Variants in SKIC3 observed in about 807,000 individuals in gnomAD.
SKIC3 encodes the protein SKI3 subunit of superkiller complex, also known as superkiller complex protein 3.
the SKIC3 span, among the ~76,000 whole-genome samples, chr5:95,492,661 A>AAAAAAAAAAAAAAAAAC: frequency 8.1e-6 from 1 of 122,982 alleles, no homozygotes; most frequent in Non-Finnish European, 1.7e-5. Flanking sequence ...AGAAAAAAAA[A>AAAAAAAAAAAAAAAAAC]AAAAAAAAAA....
chr5:95,500,843 T>C, the SKIC3 span, among the ~76,000 whole-genome samples: 1 of 152,170 alleles, frequency 6.6e-6, no homozygotes, highest in African/African-American at 2.4e-5. Context: ...AACAGAAATA[T>C]TTATAACATT....
chr5:95,481,493 A>T, the SKIC3 span, among the ~76,000 whole-genome samples: 22 of 152,164 alleles, frequency 1.4e-4, no homozygotes, highest in Admixed American at 5.9e-4. Context: ...CTTTATCAGC[A>T]GTGTGAAAAT....
chr5:95,481,426 AG>A, the SKIC3 span, among the ~76,000 whole-genome samples: 1 of 152,172 alleles, frequency 6.6e-6, no homozygotes, highest in Non-Finnish European at 1.5e-5. Context: ...CCCCAGCCAC[AG>A]AGAACTGTAA....
At chr5:95,529,174 T>A in the SKIC3 span, 68 of 1,294,430 alleles carry the variant, frequency 5.3e-5, no homozygotes, top group Non-Finnish European at 7.1e-5. Flanking sequence ...CAATGCCTAC[T>A]CTCCAAATCA....
chr5:95,464,408 T>A, the SKIC3 span: 13 of 207,856 alleles, frequency 6.3e-5, no homozygotes, highest in East Asian at 3.3e-4. Flanking sequence ...CCAAATTAAA[T>A]TTTTTTTTTT....
the SKIC3 span, chr5:95,490,900 A>G: frequency 6.2e-7 from 1 of 1,614,042 alleles, no homozygotes; most frequent in African/African-American, 1.3e-5. Flanking sequence ...ATGCTTTTAA[A>G]AACTTACTTG....
At chr5:95,553,061 G>T in the SKIC3 span, among the ~76,000 whole-genome samples, 1 of 152,150 alleles carries the variant, frequency 6.6e-6, no homozygotes, top group African/African-American at 2.4e-5. Flanking sequence ...CACTGGAGAT[G>T]AAAAAGCACA....
At chr5:95,554,085 T>C in the SKIC3 span, among the ~76,000 whole-genome samples, 1 of 152,340 alleles carries the variant, frequency 6.6e-6, no homozygotes, top group Admixed American at 6.5e-5. Flanking sequence ...GTGAGGATTA[T>C]AGAAAATATT....
At chr5:95,469,711 C>T in the SKIC3 span, 3 of 1,597,552 alleles carry the variant, frequency 1.9e-6, no homozygotes. Context: ...ATAATCTTTC[C>T]TTGATTATTT....
At chr5:95,485,399 T>A in the SKIC3 span, among the ~76,000 whole-genome samples, 18 of 152,336 alleles carry the variant, frequency 1.2e-4, no homozygotes, top group Middle Eastern at 6.8e-3. Context: ...TAGTATAAAC[T>A]CTTTGGCATC....
At chr5:95,531,242 T>C in the SKIC3 span, among the ~76,000 whole-genome samples, 5 of 152,290 alleles carry the variant, frequency 3.3e-5, no homozygotes, top group East Asian at 9.6e-4. Flanking sequence ...CCATTAGTAA[T>C]ATGTAGTAAT....
the SKIC3 span, among the ~76,000 whole-genome samples, chr5:95,503,510 T>C: frequency 6.6e-6 from 1 of 152,300 alleles, no homozygotes; most frequent in South Asian, 2.1e-4. Context: ...CAGTGTAGAG[T>C]AGTAAACATT....
chr5:95,546,982 A>G, the SKIC3 span: 3 of 1,425,980 alleles, frequency 2.1e-6, no homozygotes, highest in Non-Finnish European at 3.0e-6. Flanking sequence ...TGGACAGGAA[A>G]TAATTCACAT....
At chr5:95,549,708 C>A in the SKIC3 span, among the ~76,000 whole-genome samples, 1 of 151,850 alleles carries the variant, frequency 6.6e-6, no homozygotes, top group African/African-American at 2.4e-5. Context: ...AAATAATCTG[C>A]CCCTTTTCAA....
At chr5:95,545,303 T>A in the SKIC3 span, among the ~76,000 whole-genome samples, 2 of 152,082 alleles carry the variant, frequency 1.3e-5, no homozygotes, top group South Asian at 4.2e-4. Flanking sequence ...TACTATCACG[T>A]CCTTGCATCC....
chr5:95,506,518 G>C, the SKIC3 span, among the ~76,000 whole-genome samples: 1 of 152,076 alleles, frequency 6.6e-6, no homozygotes. Flanking sequence ...AAGATATAGA[G>C]CTCATTCCCC....
the SKIC3 span, chr5:95,467,739 G>A: frequency 5.8e-6 from 8 of 1,375,754 alleles, no homozygotes; most frequent in African/African-American, 2.9e-5. Flanking sequence ...TACACACTCA[G>A]TTTTTAAAAA....
At chr5:95,492,677 A>AAAAAAAAAAAAAAAAAAAAAC in the SKIC3 span, among the ~76,000 whole-genome samples, 3 of 140,266 alleles carry the variant, frequency 2.1e-5, no homozygotes, top group Non-Finnish European at 3.1e-5. Context: ...AAAAAAAAAA[A>AAAAAAAAAAAAAAAAAAAAAC]AAAAAAAAAA....
chr5:95,490,505 T>TATA, the SKIC3 span, among the ~76,000 whole-genome samples: 196 of 87,382 alleles, frequency 2.2e-3, no homozygotes, highest in African/African-American at 0.014. Flanking sequence ...TATATATATA[T>TATA]TTTTTTTTTT....
Sources: allele counts gnomAD v4.1 joint callset (sites outside exome capture counted in the v4.1 genomes callset), GRCh38; gene constraint gnomAD v4.1.1; transcripts MANE v1.5; gene names NCBI Gene and HGNC (gene_info 2026-07-23, HGNC 2026-07-21).